Variants in VPS13B observed in about 807,000 individuals in gnomAD.
The protein encoded by VPS13B is vacuolar protein sorting 13 homolog B.
In VPS13B, 285 loss-of-function variants were observed where a neutral mutation model predicts 426.4. That is an observed-to-expected ratio of 0.67 (90% CI 0.61 to 0.74). The LOEUF is 0.74. Ranked by LOEUF, VPS13B falls within the 30% of genes least tolerant of loss-of-function variation. VPS13B has a pLI of 0.00. For synonymous variants in VPS13B, 1,676 were observed against 1,676.4 expected, an observed-to-expected ratio of 1.00 and a Z score of 0.01; for missense variants, 4,537 against 4,782.6, an observed-to-expected ratio of 0.95 and a Z score of 1.51.
chr8:99,459,411 TAAC>T (rs746325467), intron 23 of VPS13B, among the ~76,000 whole-genome samples: 1 of 152,324 alleles, frequency 6.6e-6, no homozygotes, highest in Non-Finnish European at 1.5e-5. Context: ...ATGAGTCACT[TAAC>T]AATATGTTCT....
At chr8:99,093,324 CTA>C (rs1268571616) in intron 3 of VPS13B, among the ~76,000 whole-genome samples, 1 of 150,988 alleles carries the variant, frequency 6.6e-6, no homozygotes, top group Non-Finnish European at 1.5e-5. Flanking sequence ...CTCTGGGAGT[CTA>C]TGCTATTCAA....
intron 19 of VPS13B, among the ~76,000 whole-genome samples, chr8:99,362,624 A>C (rs1812633917): frequency 6.6e-6 from 1 of 152,190 alleles, no homozygotes; most frequent in Non-Finnish European, 1.5e-5. Context: ...ATTTAAAATA[A>C]AGTGTCTTTC....
Position 99,875,682 on chromosome 8 carries a change from T to G in VPS13B, c.*16T>G. On this transcript the variant is annotated 3_prime_UTR_variant, in exon 62 of 62. Transcript: ENST00000357162. ...GTTTCCTTGAGTCCCCTCTGAGGTG[T>G]TTATTCCTGCTTGTGTGATTTAGTT... 2 of 1,613,636 alleles carry G rather than the reference T, an allele frequency of 1.2e-6. No individual in the cohort carries two copies. Among genetic ancestry groups the G allele is most frequent in the Non-Finnish European group, 1.7e-6 (2 of 1,179,984 alleles).
chr8:99,644,111 C>T (rs188416855), intron 34 of VPS13B, among the ~76,000 whole-genome samples: 5 of 152,136 alleles, frequency 3.3e-5, no homozygotes, highest in South Asian at 2.1e-4. Flanking sequence ...GGAAAGGGGC[C>T]GAGAGGAACA....
intron 2 of VPS13B, among the ~76,000 whole-genome samples, chr8:99,037,066 A>G (rs1419439883): frequency 2.0e-5 from 3 of 152,140 alleles, no homozygotes; most frequent in Non-Finnish European, 4.4e-5. Context: ...TATACGAGTA[A>G]GGTGCTTAGA....
chr8:99,521,076 A>G (rs1249645056), intron 30 of VPS13B, 66 bp downstream of exon 30: 2 of 1,268,094 alleles, frequency 1.6e-6, no homozygotes, highest in South Asian at 1.2e-5. Flanking sequence ...ATAGTGGTCA[A>G]TAACTTAGTG....
intron 35 of VPS13B, among the ~76,000 whole-genome samples, chr8:99,671,916 T>C (rs1055508736): frequency 6.6e-6 from 1 of 152,196 alleles, no homozygotes; most frequent in Non-Finnish European, 1.5e-5. Context: ...GACACCTTTG[T>C]TGAGAACTAA....
At chr8:99,329,550 G>A (rs1375573248) in intron 19 of VPS13B, among the ~76,000 whole-genome samples, 1 of 151,966 alleles carries the variant, frequency 6.6e-6, no homozygotes, top group Non-Finnish European at 1.5e-5. Context: ...GAAAAACCCT[G>A]TTAATTCCAG....
chr8:99,707,217 C>T (rs1832530164), intron 36 of VPS13B, among the ~76,000 whole-genome samples: 1 of 152,096 alleles, frequency 6.6e-6, no homozygotes, highest in Non-Finnish European at 1.5e-5. Context: ...AGAATCTGCA[C>T]CCCAGCCCTG....
intron 44 of VPS13B, among the ~76,000 whole-genome samples, chr8:99,810,086 A>AT (rs1813621202): frequency 1.3e-5 from 2 of 152,106 alleles, no homozygotes. Flanking sequence ...CTCAGCACAT[A>AT]TTTTTACGTA....
At chr8:99,451,139 G>A (rs1818177266) in intron 23 of VPS13B, among the ~76,000 whole-genome samples, 1 of 151,966 alleles carries the variant, frequency 6.6e-6, no homozygotes, top group South Asian at 2.1e-4. Flanking sequence ...TTTGATTCCA[G>A]TACACCTTGA....
At chr8:99,815,333 C>A (rs949741588) in intron 44 of VPS13B, among the ~76,000 whole-genome samples, 2 of 152,024 alleles carry the variant, frequency 1.3e-5, no homozygotes, top group Non-Finnish European at 2.9e-5. Flanking sequence ...AAGTTCAAGA[C>A]CCAAGAAGAG....
chr8:99,450,428 C>A (rs1030413260), intron 23 of VPS13B, among the ~76,000 whole-genome samples: 1 of 152,096 alleles, frequency 6.6e-6, no homozygotes, highest in Non-Finnish European at 1.5e-5. Flanking sequence ...TTAAAAATTT[C>A]TTTTCTGCCA....
At chr8:99,657,012 T>C (rs992070970) in intron 34 of VPS13B, among the ~76,000 whole-genome samples, 12 of 152,226 alleles carry the variant, frequency 7.9e-5, no homozygotes, top group African/African-American at 2.9e-4. Context: ...GTTATATTAA[T>C]ATTTTGTTGG....
At position 99,170,183 on chromosome 8, in the gene VPS13B, A is replaced by G. The variant is rs758171682; in HGVS notation, c.2333+20A>G. Reference sequence around the variant, plus strand: ...ATGCTGGTAAGTCTTACATGTTAAAATGTGATTTATGTTAATTTCCATTTA... The same window carrying G: ...ATGCTGGTAAGTCTTACATGTTAAAGTGTGATTTATGTTAATTTCCATTTA... On this transcript the variant is annotated intron_variant, in intron 16 of 61. Coordinates refer to ENST00000357162, the MANE Select transcript of VPS13B (RefSeq NM_152564.5). The G allele has an allele frequency of 1.6e-5, 26 of 1,610,822 alleles. No individual in the cohort carries two copies. The Middle Eastern group carries it at 6.6e-4, about 41-fold the overall frequency.
chr8:99,055,131 C>T (rs115341604), intron 3 of VPS13B, among the ~76,000 whole-genome samples: 128 of 148,328 alleles, frequency 8.6e-4, no homozygotes, highest in African/African-American at 2.9e-3. Context: ...CCTCTGCTTT[C>T]GTGCTTAAGT....
intron 39 of VPS13B, among the ~76,000 whole-genome samples, chr8:99,725,747 C>T (rs1306456473): frequency 6.6e-6 from 1 of 152,178 alleles, no homozygotes; most frequent in Admixed American, 6.5e-5. Flanking sequence ...TGATTTTCTA[C>T]ACCAAACTAT....
intron 54 of VPS13B, among the ~76,000 whole-genome samples, chr8:99,846,652 AG>A (rs1203521325): frequency 2.0e-5 from 3 of 152,228 alleles, no homozygotes; most frequent in Non-Finnish European, 4.4e-5. Flanking sequence ...AGGGACAACA[AG>A]CAAAAATTTC....
chr8:99,143,278 C>G, intron 13 of VPS13B, 113 bp downstream of exon 13: 5 of 1,354,122 alleles, frequency 3.7e-6, no homozygotes, highest in African/African-American at 1.4e-5. Flanking sequence ...TGCCTGTTTG[C>G]AAGGACTTTG....
Sources: gnomAD v4.1 joint callset for allele counts (sites outside exome capture counted in the v4.1 genomes callset) on GRCh38, gnomAD v4.1.1 for gene constraint, MANE v1.5 for transcripts, NCBI Gene and HGNC (gene_info 2026-07-23, HGNC 2026-07-21) for gene names.